Variants in CPNE5 observed in about 807,000 individuals in gnomAD.
CPNE5 encodes copine-5.
A neutral mutation model predicts 81.1 loss-of-function variants in CPNE5; 42 were observed. The ratio of observed to expected loss-of-function variants is 0.52; its 90% CI spans 0.40 to 0.67. The LOEUF is 0.67. Ranked by LOEUF, CPNE5 falls within the 30% of genes least tolerant of loss-of-function variation. The probability of loss-of-function intolerance (pLI) is 0.00; values close to 1 mark genes in which losing one functional copy is unlikely to be tolerated. For synonymous variants in CPNE5, 313 were observed against 321.5 expected (o/e 0.97, Z 0.28); for missense variants, 612 against 815.5 (o/e 0.75, Z 3.04).
At chr6:36,837,914 A>G (rs763317370) in intron 1 of CPNE5, among the ~76,000 whole-genome samples, 8 of 152,078 alleles carry the variant, frequency 5.3e-5, no homozygotes, top group Non-Finnish European at 8.8e-5. Flanking sequence ...GACTGGAGCT[A>G]ATGGGCCATC....
chr6:36,788,334 C>A (rs1327616475), intron 8 of CPNE5, among the ~76,000 whole-genome samples: 4 of 152,072 alleles, frequency 2.6e-5, no homozygotes, highest in Non-Finnish European at 5.9e-5. Context: ...GGCGTGAACC[C>A]CAACCTCCAC....
chr6:36,756,356 T>C lies in CPNE5; in HGVS notation c.856-58A>G, dbSNP rs907155772. On this transcript the variant is annotated intron_variant, in intron 12 of 20. Transcript: ENST00000244751. ...GCTTCCAGGCAGTCAGGGTGAGTCT[T>C]GAGGGCTTCCAACCACCCATGGGTG... The C allele has an allele frequency of 8.7e-6, 13 of 1,486,672 alleles. No individual in the cohort carries two copies. The East Asian group carries it at 2.9e-4, about 34-fold the overall frequency. The allele number at this position is 1,486,672 out of a possible 1,614,324, so 92.1% of individuals were successfully genotyped here. A position where few individuals can be genotyped will look rare whatever the true frequency, so the allele number is the denominator to read the frequency against.
intron 20 of CPNE5, 101 bp downstream of exon 20, chr6:36,743,588 T>C (rs891289470): frequency 9.4e-6 from 11 of 1,166,942 alleles, no homozygotes; most frequent in Non-Finnish European, 1.4e-5. Context: ...GTGCCTCCCT[T>C]CTGGGCCCTT....
chr6:36,825,389 C>T (rs1253004443), intron 1 of CPNE5, among the ~76,000 whole-genome samples: 1 of 152,082 alleles, frequency 6.6e-6, no homozygotes, highest in African/African-American at 2.4e-5. Context: ...TTCAGGAAAC[C>T]AGTCCCTGGA....
intron 13 of CPNE5, among the ~76,000 whole-genome samples, chr6:36,753,966 G>T (rs1765119095): frequency 6.6e-6 from 1 of 152,210 alleles, no homozygotes; most frequent in South Asian, 2.1e-4. Context: ...GGCTCATTGG[G>T]AGGGCCAGGT....
At chr6:36,782,310 T>C (rs1768099115) in intron 8 of CPNE5, among the ~76,000 whole-genome samples, 2 of 151,994 alleles carry the variant, frequency 1.3e-5, no homozygotes, top group South Asian at 4.1e-4. Flanking sequence ...TGCATACACT[T>C]GAAACAACCA....
Position 36,753,065 on chromosome 6 carries a change from C to G in CPNE5, c.940G>C (p.Glu314Gln). Reference sequence around the variant, plus strand: ...TTGATGTAGTCAAGGAAGGTGCACTCTGACTCCACAGCAAAGGAAAGCAGG... The same window carrying G: ...TTGATGTAGTCAAGGAAGGTGCACTGTGACTCCACAGCAAAGGAAAGCAGG... Reference protein sequence around the residue: ...VTLLSFAVESECTFLDYIKGG... With the variant: ...VTLLSFAVESQCTFLDYIKGG... Residue 314 changes from glutamate (E) to glutamine (Q), a missense_variant, in exon 14 of 21, where the codon GAG becomes CAG. Coordinates refer to ENST00000244751, the MANE Select transcript of CPNE5 (RefSeq NM_020939.2). 3 of 1,613,434 alleles carry G rather than the reference C, an allele frequency of 1.9e-6. No individual in the cohort carries two copies. Among genetic ancestry groups the G allele is most frequent in the African/African-American group, 1.3e-5 (1 of 75,048 alleles).
intron 8 of CPNE5, among the ~76,000 whole-genome samples, chr6:36,780,184 C>T (rs1767914666): frequency 6.6e-6 from 1 of 152,058 alleles, no homozygotes; most frequent in Non-Finnish European, 1.5e-5. Flanking sequence ...AAGATGGTCT[C>T]GATATTCTGA....
At chr6:36,780,109 G>A (rs967768332) in intron 8 of CPNE5, among the ~76,000 whole-genome samples, 5 of 151,914 alleles carry the variant, frequency 3.3e-5, no homozygotes, top group Admixed American at 6.6e-5. Flanking sequence ...GACTACAGGC[G>A]CCCGCCACCA....
chr6:36,765,269 G>A (rs1766455951), intron 11 of CPNE5, 66 bp downstream of exon 11: 7 of 1,565,504 alleles, frequency 4.5e-6, no homozygotes, highest in Non-Finnish European at 6.1e-6. Context: ...CCGCATGGGA[G>A]GGCAGGGCCC....
intron 10 of CPNE5, among the ~76,000 whole-genome samples, chr6:36,765,881 C>T (rs867732427): frequency 1.3e-5 from 2 of 152,186 alleles, no homozygotes; most frequent in Admixed American, 6.5e-5. Flanking sequence ...GGGGATGGCC[C>T]GCTGAGCTTT....
At chr6:36,754,579 T>G (rs546808056) in intron 13 of CPNE5, 4 of 152,350 alleles carry the variant, frequency 2.6e-5, no homozygotes, top group African/African-American at 9.6e-5. Context: ...TCAGCAAGCT[T>G]TCTGCATCCC....
intron 3 of CPNE5, among the ~76,000 whole-genome samples, chr6:36,803,218 T>A (rs1322261099): frequency 3.3e-5 from 5 of 152,274 alleles, no homozygotes; most frequent in Admixed American, 2.6e-4. Flanking sequence ...GCCTCATCAC[T>A]TTCTCACCTT....
rs552707441 is a variant in CPNE5, at chr6:36,795,168, T to A, written c.405-519A>T. On this transcript the variant is annotated intron_variant, in intron 6 of 20. Transcript: ENST00000244751. Reference sequence around the variant, plus strand: ...GACTATATTTGGAAATAGAGTCTTTTTTATTTTTTTATTTTCATTTTTATT... The same window carrying A: ...GACTATATTTGGAAATAGAGTCTTTATTATTTTTTTATTTTCATTTTTATT... Among the ~76,000 whole-genome samples the A allele has an allele frequency of 2.6e-5, 4 of 152,330 alleles. No individual in the cohort carries two copies. The East Asian group carries it at 7.7e-4, about 29-fold the overall frequency.
At position 36,742,318 on chromosome 6, in the gene CPNE5, G is replaced by A. The variant is rs776319310; in HGVS notation, c.1732C>T (p.Gln578Ter). 1 of 1,610,326 alleles carries A rather than the reference G, an allele frequency of 6.2e-7. No homozygotes were observed. Among genetic ancestry groups the A allele is most frequent in the Non-Finnish European group, 8.5e-7 (1 of 1,179,522 alleles). Reference sequence around the variant, plus strand: ...GCAGGGGGCGTGCGGGCTGGGGACTGCGAGGGCGAGTGGGTTGGTGCTGCG... The same window carrying A: ...GCAGGGGGCGTGCGGGCTGGGGACTACGAGGGCGAGTGGGTTGGTGCTGCG... Reference protein sequence around the residue: ...PPAAPTHSPSQSPARTPPASP... With the variant: ...PPAAPTHSPS Residue 578 changes from glutamine (Q) to a stop codon, truncating the protein, a stop_gained, in exon 21 of 21, where the codon CAG becomes TAG. Transcript: ENST00000244751. LOFTEE classifies it high-confidence loss of function.
At chr6:36,798,339 T>C in intron 5 of CPNE5, 98 bp from the exon 6 acceptor site, 1 of 1,501,188 alleles carries the variant, frequency 6.7e-7, no homozygotes, top group Non-Finnish European at 9.3e-7. Context: ...TGAGGGCCCT[T>C]AAATGACAGG....
intron 1 of CPNE5, among the ~76,000 whole-genome samples, chr6:36,834,300 G>T (rs1773250902): frequency 8.7e-6 from 1 of 114,518 alleles, no homozygotes; most frequent in Non-Finnish European, 1.8e-5. Context: ...AGGGAGGGAG[G>T]GAGGGAGGGA....
rs564508378 is a variant in CPNE5 at position 36,806,551 on chromosome 6, C to T, written c.184-6481G>A. ...CAAGCCCCCAGGTGATGCTCTATCC[C>T]TTGTGGATTTCCCCAAGCTCATCCA... On this transcript the variant is annotated intron_variant, in intron 3 of 20. Transcript: ENST00000244751. Among the ~76,000 whole-genome samples, 31 of 152,338 alleles carry T rather than the reference C, an allele frequency of 2.0e-4. 1 individual carries two copies. The South Asian group carries it at 4.8e-3, about 23-fold the overall frequency.
chr6:36,829,480 G>C (rs1413927956), intron 1 of CPNE5, among the ~76,000 whole-genome samples: 5 of 151,968 alleles, frequency 3.3e-5, no homozygotes, highest in Admixed American at 3.3e-4. Flanking sequence ...CTGGGTGACA[G>C]AGCGAGACCC....
Sources: allele counts gnomAD v4.1 joint callset (sites outside exome capture counted in the v4.1 genomes callset), GRCh38; gene constraint gnomAD v4.1.1; transcripts MANE v1.5; gene names NCBI Gene and HGNC (gene_info 2026-07-23, HGNC 2026-07-21).